The following NAALADL2 variants were observed in gnomAD, a reference collection of about 807,000 sequenced individuals.
NAALADL2 encodes inactive N-acetylated-alpha-linked acidic dipeptidase-like protein 2.
A neutral mutation model predicts 87.2 loss-of-function variants in NAALADL2; 76 were observed. The observed-to-expected ratio is 0.87, with a 90% CI of 0.72 to 1.05. The LOEUF (loss-of-function observed/expected upper bound fraction) is 1.05, where lower values mean the gene tolerates loss of function less well. Among genes scored for constraint, NAALADL2 ranks in the 50% least tolerant of loss-of-function variants. NAALADL2 has a pLI of 0.00. For missense variants in NAALADL2, 1,089 were observed against 945.8 expected (o/e 1.15, Z -1.99); for synonymous variants, 354 against 331.0 (o/e 1.07, Z -0.75).
chr3:175,212,727 T>G (rs1203315211), intron 2 of NAALADL2, among the ~76,000 whole-genome samples: 2 of 152,108 alleles, frequency 1.3e-5, no homozygotes, highest in African/African-American at 2.4e-5. Context: ...TAATTTTAAG[T>G]CAGCTTTCCC....
At chr3:175,110,311 G>A (rs1723975692) in intron 2 of NAALADL2, among the ~76,000 whole-genome samples, 1 of 151,880 alleles carries the variant, frequency 6.6e-6, no homozygotes, top group South Asian at 2.1e-4. Flanking sequence ...ATGATATGAT[G>A]ACCAGTGGTG....
chr3:175,196,012 T>C (rs958547554), intron 2 of NAALADL2, among the ~76,000 whole-genome samples: 21 of 151,892 alleles, frequency 1.4e-4, no homozygotes, highest in African/African-American at 5.1e-4. Context: ...ATTAAGCCCA[T>C]GGGGTTTGGG....
At chr3:174,749,516 A>C (rs79769857) in intron 3 of NAALADL2, among the ~76,000 whole-genome samples, 43 of 150,660 alleles carry the variant, frequency 2.9e-4, no homozygotes, top group Middle Eastern at 3.4e-3. Flanking sequence ...AAAAAAAAAA[A>C]CAGCAAAAAA....
chr3:175,423,982 A>G (rs1411799942), intron 5 of NAALADL2, among the ~76,000 whole-genome samples: 2 of 152,116 alleles, frequency 1.3e-5, no homozygotes, highest in African/African-American at 2.4e-5. Flanking sequence ...ATGGCATCTC[A>G]TTGTGGTTTT....
chr3:174,658,516 T>C (rs1725200058), intron 2 of NAALADL2, among the ~76,000 whole-genome samples: 1 of 152,156 alleles, frequency 6.6e-6, no homozygotes. Flanking sequence ...TGTGTAAGTA[T>C]TTTTCCAGAC....
chr3:174,965,637 GA>G (rs538724823), intron 1 of NAALADL2, among the ~76,000 whole-genome samples: 7 of 152,070 alleles, frequency 4.6e-5, no homozygotes, highest in African/African-American at 1.4e-4. Context: ...TTATATGAAG[GA>G]AAAAAACAAC....
intron 2 of NAALADL2, among the ~76,000 whole-genome samples, chr3:175,190,589 C>T (rs1278199439): frequency 1.3e-5 from 2 of 151,960 alleles, no homozygotes; most frequent in African/African-American, 2.4e-5. Context: ...TTGATGGCAA[C>T]GTAGATGGTG....
chr3:175,392,594 T>A (rs1769212765), intron 5 of NAALADL2, among the ~76,000 whole-genome samples: 1 of 152,234 alleles, frequency 6.6e-6, no homozygotes, highest in Admixed American at 6.5e-5. Context: ...ATTCTACTTG[T>A]CTAACATTGA....
At chr3:175,390,215 G>T (rs969192856) in intron 5 of NAALADL2, among the ~76,000 whole-genome samples, 6 of 151,870 alleles carry the variant, frequency 4.0e-5, no homozygotes, top group African/African-American at 1.2e-4. Context: ...CCACTCCCTC[G>T]CAAGGGGACA....
intron 11 of NAALADL2, among the ~76,000 whole-genome samples, chr3:175,669,071 G>A (rs1429823853): frequency 6.6e-6 from 1 of 151,940 alleles, no homozygotes; most frequent in African/African-American, 2.4e-5. Context: ...CTCTATTGTG[G>A]GTCATTGATA....
chr3:174,605,926 G>C (rs996261953), intron 2 of NAALADL2, among the ~76,000 whole-genome samples: 25 of 152,268 alleles, frequency 1.6e-4, no homozygotes, highest in African/African-American at 5.5e-4. Context: ...CCCCCAGTAG[G>C]GGCAGACTGA....
chr3:175,362,705 G>A (rs1343480239), intron 5 of NAALADL2, among the ~76,000 whole-genome samples: 2 of 147,982 alleles, frequency 1.4e-5, no homozygotes, highest in Non-Finnish European at 3.0e-5. Flanking sequence ...CCCAGTGGTG[G>A]GATTGTTGGA....
chr3:175,423,613 A>T (rs1401139787), intron 5 of NAALADL2, among the ~76,000 whole-genome samples: 5 of 152,042 alleles, frequency 3.3e-5, no homozygotes, highest in Admixed American at 6.6e-5. Flanking sequence ...TTTTTATGGC[A>T]ACATAGTATT....
chr3:174,601,979 T>G (rs2108612167), intron 2 of NAALADL2, among the ~76,000 whole-genome samples: 1 of 152,276 alleles, frequency 6.6e-6, no homozygotes, highest in Admixed American at 6.5e-5. Context: ...TATTTCTGGG[T>G]TCTGTATTCT....
At chr3:175,330,747 C>A (rs1376017869) in intron 5 of NAALADL2, among the ~76,000 whole-genome samples, 1 of 151,894 alleles carries the variant, frequency 6.6e-6, no homozygotes, top group Non-Finnish European at 1.5e-5. Flanking sequence ...TCTCAATGAA[C>A]TAGAAAAGCA....
intron 2 of NAALADL2, among the ~76,000 whole-genome samples, chr3:175,152,558 G>T (rs1731701372): frequency 6.6e-6 from 1 of 152,066 alleles, no homozygotes; most frequent in South Asian, 2.1e-4. Flanking sequence ...CAAGGATCTG[G>T]TAGTGGTGGG....
chr3:174,872,358 C>T (rs1225395554), intron 1 of NAALADL2, among the ~76,000 whole-genome samples: 2 of 152,062 alleles, frequency 1.3e-5, no homozygotes, highest in African/African-American at 4.8e-5. Context: ...GTAACTTACT[C>T]AGGATTATGC....
intron 11 of NAALADL2, among the ~76,000 whole-genome samples, chr3:175,734,793 C>T (rs1333193492): frequency 6.6e-6 from 1 of 152,172 alleles, no homozygotes; most frequent in African/African-American, 2.4e-5. Flanking sequence ...GCCCATGAAA[C>T]TATTTTTTCC....
chr3:175,233,716 G>A (rs1176407825), intron 2 of NAALADL2, among the ~76,000 whole-genome samples: 1 of 152,080 alleles, frequency 6.6e-6, no homozygotes. Context: ...GGGATCACAG[G>A]CATGAGCTAC....
Sources: gnomAD v4.1 joint callset for allele counts (sites outside exome capture counted in the v4.1 genomes callset) on GRCh38, gnomAD v4.1.1 for gene constraint, MANE v1.5 for transcripts, NCBI Gene and HGNC (gene_info 2026-07-23, HGNC 2026-07-21) for gene names.